The following FSTL5 variants were observed in gnomAD, a reference collection of about 807,000 sequenced individuals.
The protein encoded by FSTL5 is follistatin like 5.
Under a neutral mutation model 89.1 loss-of-function variants are expected in FSTL5, and 62 were observed. The observed-to-expected ratio is 0.70, with a 90% CI of 0.57 to 0.86. The LOEUF is 0.86. FSTL5 is among the 40% of genes least tolerant of loss of function. FSTL5 has a pLI of 0.00. For missense variants in FSTL5, 1,057 were observed against 1,001.6 expected (o/e 1.06, Z -0.75); for synonymous variants, 383 against 346.2 (o/e 1.11, Z -1.18).
At chr4:161,454,156 C>A (rs1028898598) in intron 15 of FSTL5, among the ~76,000 whole-genome samples, 2 of 152,068 alleles carry the variant, frequency 1.3e-5, no homozygotes, top group African/African-American at 4.8e-5. Flanking sequence ...AATAAGGAAA[C>A]AAATACGCAC....
intron 15 of FSTL5, among the ~76,000 whole-genome samples, chr4:161,401,465 G>A (rs749479324): frequency 6.6e-6 from 1 of 152,146 alleles, no homozygotes; most frequent in Non-Finnish European, 1.5e-5. Context: ...GAATCTCAGT[G>A]TTTTAAATCA....
intron 3 of FSTL5, among the ~76,000 whole-genome samples, chr4:161,983,297 C>T (rs10028812): frequency 0.32 from 49,364 of 152,050 alleles, 9,839 homozygotes; most frequent in Non-Finnish European, 0.43. Flanking sequence ...AGGTAGCAAG[C>T]TGTGCCTACT....
intron 6 of FSTL5, among the ~76,000 whole-genome samples, chr4:161,700,911 TA>T (rs1299923242): frequency 6.6e-6 from 1 of 152,186 alleles, no homozygotes; most frequent in Non-Finnish European, 1.5e-5. Context: ...TGCATAACAA[TA>T]ATGTAGTTTG....
intron 5 of FSTL5, among the ~76,000 whole-genome samples, chr4:161,762,353 C>T (rs1330646068): frequency 6.6e-6 from 1 of 152,088 alleles, no homozygotes; most frequent in East Asian, 1.9e-4. Context: ...CTTCCTCAGT[C>T]CACAGTAACC....
intron 3 of FSTL5, among the ~76,000 whole-genome samples, chr4:162,014,394 G>C (rs1216452557): frequency 1.3e-5 from 2 of 152,158 alleles, no homozygotes; most frequent in Non-Finnish European, 2.9e-5. Flanking sequence ...GCTTAAATCT[G>C]ATGTTTCAAA....
intron 2 of FSTL5, among the ~76,000 whole-genome samples, chr4:162,048,064 C>T (rs1042499384): frequency 5.3e-5 from 8 of 151,890 alleles, no homozygotes; most frequent in African/African-American, 1.2e-4. Context: ...TGGCGGGTCA[C>T]GCCTGTAATC....
intron 3 of FSTL5, among the ~76,000 whole-genome samples, chr4:161,955,557 T>C (rs1052073369): frequency 3.3e-5 from 5 of 151,832 alleles, no homozygotes; most frequent in Non-Finnish European, 7.4e-5. Flanking sequence ...CCTCATATGT[T>C]TCAATACTAA....
chr4:162,083,206 T>A (rs181307993), intron 2 of FSTL5, among the ~76,000 whole-genome samples: 1 of 151,810 alleles, frequency 6.6e-6, no homozygotes, highest in African/African-American at 2.4e-5. Context: ...TGATTTAACA[T>A]AGTTTTATTG....
intron 6 of FSTL5, among the ~76,000 whole-genome samples, chr4:161,674,977 T>C (rs1737252936): frequency 6.6e-6 from 1 of 152,130 alleles, no homozygotes; most frequent in South Asian, 2.1e-4. Flanking sequence ...GAGATTGGCT[T>C]TATAATCTGA....
chr4:161,387,307 T>C (rs532804382), intron 15 of FSTL5: 2 of 152,186 alleles, frequency 1.3e-5, no homozygotes, highest in East Asian at 3.9e-4. Flanking sequence ...CTTTTATTTA[T>C]GTTTGCATTA....
intron 3 of FSTL5, among the ~76,000 whole-genome samples, chr4:161,925,162 A>G (rs1734089142): frequency 6.6e-6 from 1 of 151,878 alleles, no homozygotes; most frequent in East Asian, 1.9e-4. Context: ...TTCTAATGAA[A>G]GCTAATGTAT....
intron 2 of FSTL5, among the ~76,000 whole-genome samples, chr4:162,086,324 C>T (rs2111345673): frequency 6.6e-6 from 1 of 151,888 alleles, no homozygotes; most frequent in African/African-American, 2.4e-5. Context: ...TCTCCCTCTT[C>T]CTATCTTTCT....
At chr4:161,904,873 G>T (rs531721900) in intron 4 of FSTL5, among the ~76,000 whole-genome samples, 26 of 151,736 alleles carry the variant, frequency 1.7e-4, no homozygotes, top group Middle Eastern at 3.4e-3. Context: ...TAATATTTGA[G>T]AAAATAAAAA....
rs1732408376 is a variant in FSTL5, at chr4:161,432,410, GA to G, written c.1841+22593del. Among the ~76,000 whole-genome samples the G allele has an allele frequency of 2.6e-5, 4 of 152,116 alleles. No homozygotes were observed. In the South Asian group the frequency reaches 8.3e-4, roughly 32 times the overall value. On this transcript the variant is annotated intron_variant, in intron 15 of 15. Coordinates refer to ENST00000306100, the MANE Select transcript of FSTL5 (RefSeq NM_020116.5). ...AATTAAAAACATTTTTGGAACAAATGATAATGAAAACACAACATACCTAAAT... is the reference window on the plus strand; with the variant it reads ...AATTAAAAACATTTTTGGAACAAATGTAATGAAAACACAACATACCTAAAT...
intron 6 of FSTL5, among the ~76,000 whole-genome samples, chr4:161,669,494 A>G (rs1179926919): frequency 6.6e-6 from 1 of 152,174 alleles, no homozygotes; most frequent in African/African-American, 2.4e-5. Flanking sequence ...AACCAAATAA[A>G]TATAGTGAAC....
At chr4:161,715,945 G>T (rs2126744977) in intron 6 of FSTL5, among the ~76,000 whole-genome samples, 1 of 151,798 alleles carries the variant, frequency 6.6e-6, no homozygotes, top group Admixed American at 6.5e-5. Flanking sequence ...CCTATTCCAG[G>T]GACTGCATTC....
chr4:161,992,918 ATATATATG>A (rs1293699436), intron 3 of FSTL5, among the ~76,000 whole-genome samples: 11 of 9,644 alleles, frequency 1.1e-3, no homozygotes, highest in African/African-American at 2.0e-3. Flanking sequence ...ATATATATAT[ATATATATG>A]TGTGTATATA....
intron 6 of FSTL5, among the ~76,000 whole-genome samples, chr4:161,704,785 T>C (rs1738514169): frequency 6.6e-6 from 1 of 152,254 alleles, no homozygotes; most frequent in Admixed American, 6.5e-5. Context: ...GGACTGTTAA[T>C]ACTGAGACAA....
At position 162,029,904 on chromosome 4, in the gene FSTL5, TC is replaced by T. The variant is rs1307575896; in HGVS notation, c.160+3720del. Among the ~76,000 whole-genome samples, 472 of 47,722 alleles carry T rather than the reference TC, an allele frequency of 9.9e-3. 5 individuals carry two copies. Among genetic ancestry groups the T allele is most frequent in the Admixed American group, 5.8e-3 (13 of 2,248 alleles). 31.3% of individuals were successfully genotyped at this position (47,722 alleles called of 152,430 possible). A position where few individuals can be genotyped will look rare whatever the true frequency, so the allele number is the denominator to read the frequency against. ...AATGGCAATATTGATCTAAATTATT[TC>T]CTTTTTTTTTTTTTTTTTTTTTAAG... On this transcript the variant is annotated intron_variant, in intron 3 of 15. Coordinates refer to ENST00000306100, the MANE Select transcript of FSTL5 (RefSeq NM_020116.5).
Sources: gnomAD v4.1 joint callset for allele counts (sites outside exome capture counted in the v4.1 genomes callset) on GRCh38, gnomAD v4.1.1 for gene constraint, MANE v1.5 for transcripts, NCBI Gene and HGNC (gene_info 2026-07-23, HGNC 2026-07-21) for gene names.